The following CPB1 variants were observed in gnomAD, a reference collection of about 807,000 sequenced individuals.
CPB1 encodes the protein carboxypeptidase B1, also known as carboxypeptidase B.
In CPB1, 53 loss-of-function variants were observed where a neutral mutation model predicts 51.4. The observed-to-expected ratio is 1.03, with a 90% CI of 0.83 to 1.30. CPB1 has a LOEUF of 1.30. CPB1 is among the 50% of genes most tolerant of loss of function. The probability of loss-of-function intolerance (pLI) is 0.00; values close to 1 mark genes in which losing one functional copy is unlikely to be tolerated. For synonymous variants in CPB1, 189 were observed against 186.9 expected (o/e 1.01, Z -0.09); for missense variants, 494 against 516.2 (o/e 0.96, Z 0.42).
chr3:148,843,206 TC>T (rs1375609225), intron 6 of CPB1, among the ~76,000 whole-genome samples: 2 of 152,286 alleles, frequency 1.3e-5, no homozygotes, highest in Non-Finnish European at 2.9e-5. Context: ...TAGTATTGTA[TC>T]CATGCTAATT....
At chr3:148,854,851 G>A (rs1377314092) in intron 9 of CPB1, 2 of 152,130 alleles carry the variant, frequency 1.3e-5, no homozygotes, top group Admixed American at 6.5e-5. Context: ...AAAGGAGAGG[G>A]GCTCAATGCT....
chr3:148,831,753 A>C (rs1712744391), intron 2 of CPB1, among the ~76,000 whole-genome samples: 1 of 152,166 alleles, frequency 6.6e-6, no homozygotes, highest in East Asian at 1.9e-4. Context: ...TAACTTCATA[A>C]TGTATAGTTT....
chr3:148,857,415 T>A (rs1286044522), intron 9 of CPB1, 42 bp from the exon 10 acceptor site: 2 of 1,464,628 alleles, frequency 1.4e-6, no homozygotes, highest in South Asian at 2.3e-5. Flanking sequence ...TTTGGCAGTG[T>A]GCTTTTATTT....
intron 9 of CPB1, chr3:148,855,558 A>G (rs1419304060): frequency 6.6e-6 from 1 of 152,212 alleles, no homozygotes; most frequent in Non-Finnish European, 1.5e-5. Flanking sequence ...TGAAAACTGT[A>G]TTACTACATT....
chr3:148,857,502 G>A lies in CPB1; in HGVS notation c.1027G>A (p.Gly343Ser), dbSNP rs147578743. Residue 343 changes from glycine (G) to serine (S), a missense_variant, in exon 10 of 11, where the codon GGC (glycine) becomes AGC (serine). By Grantham distance (56) the Gly-to-Ser change is moderately conservative. Transcript: ENST00000282957. The stretch of plus-strand genomic sequence containing the variant: ...TGTGAAAGAACTTGCCTCACTGCAC[G>A]GCACCAAGTACACATATGGCCCGGG... ...ATVKELASLH[G>S]TKYTYGPGAT... is the part of the protein sequence containing the mutation. The A allele has an allele frequency of 3.7e-5, 59 of 1,613,804 alleles. No individual in the cohort carries two copies. The African/African-American group carries it at 4.4e-4, about 12-fold the overall frequency.
At chr3:148,846,178 C>T (rs1219455064) in intron 9 of CPB1, among the ~76,000 whole-genome samples, 1 of 152,030 alleles carries the variant, frequency 6.6e-6, no homozygotes, top group Non-Finnish European at 1.5e-5. Context: ...GTCTTTACCA[C>T]ATACAGGGAA....
chr3:148,836,562 A>T (rs1327041065), intron 3 of CPB1, among the ~76,000 whole-genome samples: 2 of 150,638 alleles, frequency 1.3e-5, no homozygotes, highest in African/African-American at 4.8e-5. Flanking sequence ...ATTTATAATC[A>T]GATAGAAAGT....
intron 6 of CPB1, 53 bp downstream of exon 6, chr3:148,841,977 AT>A (rs1344799287): frequency 7.8e-7 from 1 of 1,279,480 alleles, no homozygotes; most frequent in Non-Finnish European, 1.1e-6. Flanking sequence ...TTAATTTTCA[AT>A]TAATTCCTTA....
At chr3:148,838,048 A>C (rs1189663087) in intron 3 of CPB1, 1 of 152,344 alleles carries the variant, frequency 6.6e-6, no homozygotes, top group East Asian at 1.9e-4. Flanking sequence ...GGAGATCGAG[A>C]CCATCCTAGC....
At chr3:148,835,711 G>C (rs1403336052) in intron 3 of CPB1, among the ~76,000 whole-genome samples, 1 of 152,176 alleles carries the variant, frequency 6.6e-6, no homozygotes, top group African/African-American at 2.4e-5. Context: ...ACATTCAAAT[G>C]TTTATCCGGC....
Position 148,827,894 on chromosome 3 carries a change from G to A in CPB1, c.71G>A (p.Gly24Asp), listed in dbSNP as rs752435273. 1 of 1,614,090 alleles carries A rather than the reference G, an allele frequency of 6.2e-7. No homozygotes were observed. The highest frequency in any genetic ancestry group is 1.6e-4 in the Middle Eastern group (1 of 6,062). ...SAHHGGEHFEGEKVFRVNVED... is the reference protein window; with the variant it reads ...SAHHGGEHFEDEKVFRVNVED... ...CATCATGGTGGTGAGCACTTTGAAGGGTAAGTAAGCCATCTTTAAGGAGCA... is the reference window on the plus strand; with the variant it reads ...CATCATGGTGGTGAGCACTTTGAAGAGTAAGTAAGCCATCTTTAAGGAGCA... The change falls in exon 1 of 11, where the codon GGC becomes GAC. Residue 24 changes from glycine (G) to aspartate (D), a missense_variant and splice_region_variant. Physicochemically the swap from Gly to Asp is moderately conservative, Grantham distance 94. Transcript: ENST00000282957.
At chr3:148,855,466 G>A (rs1295060923) in intron 9 of CPB1, 2 of 152,102 alleles carry the variant, frequency 1.3e-5, no homozygotes, top group Non-Finnish European at 2.9e-5. Context: ...ATTTTTCTGT[G>A]GCCTTAATGG....
intron 9 of CPB1, among the ~76,000 whole-genome samples, chr3:148,848,210 G>A (rs773543947): frequency 2.4e-4 from 36 of 152,024 alleles, no homozygotes; most frequent in Non-Finnish European, 4.4e-4. Context: ...AAGAATATGA[G>A]TCTCTCAAAA....
At chr3:148,852,351 G>T (rs986710672) in intron 9 of CPB1, among the ~76,000 whole-genome samples, 1 of 151,710 alleles carries the variant, frequency 6.6e-6, no homozygotes, top group Non-Finnish European at 1.5e-5. Context: ...CATAACTGTC[G>T]AGCTCTACTG....
In CPB1 at chr3:148,844,573, C is replaced by G; in HGVS notation, c.672C>G (p.Ile224Met). Residue 224 changes from isoleucine (I) to methionine (M), a missense_variant, in exon 7 of 11, where the codon ATC (isoleucine) becomes ATG (methionine). Physicochemically the swap from Ile to Met is conservative, Grantham distance 10 (BLOSUM62 1). Coordinates refer to ENST00000282957, the MANE Select transcript of CPB1 (RefSeq NM_001871.3). ...CTGTGCTCAATATTGATGGCTACATCTACACCTGGACCAAGGTATATGCAC... is the reference window on the plus strand; with the variant it reads ...CTGTGCTCAATATTGATGGCTACATGTACACCTGGACCAAGGTATATGCAC... ...VLPVLNIDGY[I>M]YTWTKSRFWR... The G allele has an allele frequency of 6.2e-7, 1 of 1,613,760 alleles. No individual in the cohort carries two copies. The highest frequency in any genetic ancestry group is 8.5e-7 in the Non-Finnish European group (1 of 1,179,694).
chr3:148,858,407 C>G lies in CPB1; in HGVS notation c.1066+866C>G, dbSNP rs192557936. Among the ~76,000 whole-genome samples the G allele has an allele frequency of 4.3e-4, 66 of 152,104 alleles. No individual in the cohort carries two copies. The East Asian group carries it at 0.011, about 25-fold the overall frequency. On this transcript the variant is annotated intron_variant, in intron 10 of 10. Transcript: ENST00000282957. ...CCAACATGGTGAAACCCCACCTCTA[C>G]TAAAAATACAAAAAATTAGCCAGGC...
intron 9 of CPB1, among the ~76,000 whole-genome samples, chr3:148,850,463 G>A (rs561432171): frequency 3.3e-5 from 5 of 151,830 alleles, no homozygotes; most frequent in Admixed American, 1.3e-4. Flanking sequence ...CACCACACCC[G>A]GCTAATTTTT....
At chr3:148,845,015 A>G (rs1713191885) in intron 8 of CPB1, among the ~76,000 whole-genome samples, 2 of 152,066 alleles carry the variant, frequency 1.3e-5, no homozygotes, top group African/African-American at 4.8e-5. Flanking sequence ...TAATCCTACT[A>G]CTCATGGAAT....
Position 148,840,755 on chromosome 3 carries a change from C to A in CPB1, c.342C>A (p.His114Gln). 6.2e-7 allele frequency: 1 copy of A among 1,614,096 alleles called. No individual in the cohort carries two copies. The highest frequency in any genetic ancestry group is 8.5e-7 in the Non-Finnish European group (1 of 1,179,994). Residue 114 changes from histidine (H) to glutamine (Q), a missense_variant, in exon 4 of 11, where the codon CAC (histidine) becomes CAA (glutamine). By Grantham distance (24) the His-to-Gln change is conservative. Transcript: ENST00000282957. ...QFDSRVRATG[H>Q]SYEKYNKWET... Reference sequence around the variant, plus strand: ...ATAGCCGGGTTCGTGCAACAGGACACAGTTATGAGAAGTACAACAAGTGGG... The same window carrying A: ...ATAGCCGGGTTCGTGCAACAGGACAAAGTTATGAGAAGTACAACAAGTGGG...
Sources: allele counts gnomAD v4.1 joint callset (sites outside exome capture counted in the v4.1 genomes callset), GRCh38; gene constraint gnomAD v4.1.1; transcripts MANE v1.5; gene names NCBI Gene and HGNC (gene_info 2026-07-23, HGNC 2026-07-21).